LSM11: variants seen among roughly 807,000 people sequenced by gnomAD.
LSM11 encodes U7 snRNA-associated Sm-like protein LSm11.
LSM11 carries 14 observed loss-of-function variants against 28.1 expected under a neutral mutation model. The observed-to-expected ratio is 0.50, with a 90% CI of 0.33 to 0.78. The LOEUF is 0.78. Ranked by LOEUF, LSM11 falls within the 30% of genes least tolerant of loss-of-function variation. LSM11 has a pLI of 0.02. For synonymous variants in LSM11, 207 were observed against 214.2 expected (o/e 0.97, Z 0.30); for missense variants, 495 against 510.6 (o/e 0.97, Z 0.30).
intron 1 of LSM11, chr5:157,747,775 T>C (rs927849387): frequency 6.6e-6 from 1 of 152,338 alleles, no homozygotes; most frequent in African/African-American, 2.4e-5. Flanking sequence ...AGCAGTAAAA[T>C]GAACTCTCAA....
intron 1 of LSM11, among the ~76,000 whole-genome samples, chr5:157,749,171 C>T (rs955421110): frequency 6.6e-6 from 1 of 152,184 alleles, no homozygotes. Flanking sequence ...AATTTGCCAT[C>T]TATTTAATTA....
Position 157,755,201 on chromosome 5 carries a change from T to G in LSM11, c.1020T>G (p.Thr340=), listed in dbSNP as rs776141711. Residue 340 remains threonine, a synonymous_variant, in exon 4 of 4, where the codon ACT becomes ACG. Coordinates refer to ENST00000286307, the MANE Select transcript of LSM11 (RefSeq NM_173491.4). The stretch of plus-strand genomic sequence containing the variant: ...AAGTGGATTACCAGCAGGTATTCAC[T>G]CGACACATAAATCAGATTTTCATTC... ...KPKVDYQQVF[T]RHINQIFIRG... is the part of the protein sequence containing the mutation. 5 of 1,614,244 alleles carry G rather than the reference T, an allele frequency of 3.1e-6. No homozygotes were observed. In the South Asian group the frequency reaches 4.4e-5, roughly 14 times the overall value.
chr5:157,746,088 A>G (rs1024205741), intron 1 of LSM11, among the ~76,000 whole-genome samples: 3 of 151,816 alleles, frequency 2.0e-5, no homozygotes, highest in Non-Finnish European at 2.9e-5. Flanking sequence ...GGAAGGGGGG[A>G]AAAAAAAGAA....
chr5:157,743,916 G>A lies in LSM11; in HGVS notation c.166G>A (p.Val56Met). The change falls in exon 1 of 4, where the codon GTG becomes ATG. Residue 56 changes from valine (V) to methionine (M), a missense_variant. Val to Met is a conservative substitution (Grantham distance 21). Transcript: ENST00000286307. ...PYPNAPCFNN[V>M]AEYESFLRTG... ...CCCCAATGCCCCCTGCTTCAACAAC[G>A]TGGCGGAGTACGAGAGCTTCCTCAG... The A allele has an allele frequency of 1.3e-6, 2 of 1,509,376 alleles. No homozygotes were observed. Among genetic ancestry groups the A allele is most frequent in the Non-Finnish European group, 8.9e-7 (1 of 1,127,790 alleles). The allele number at this position is 1,509,376 out of a possible 1,614,324, so 93.5% of individuals were successfully genotyped here.
At chr5:157,746,825 G>A (rs1306260029) in intron 1 of LSM11, among the ~76,000 whole-genome samples, 4 of 151,962 alleles carry the variant, frequency 2.6e-5, no homozygotes, top group Admixed American at 1.3e-4. Context: ...CACGAGAATC[G>A]CTTGAACCCT....
Position 157,755,134 on chromosome 5 carries a change from C to A in LSM11, c.953C>A (p.Thr318Asn), listed in dbSNP as rs1409601391. 1 of 1,614,230 alleles carries A rather than the reference C, an allele frequency of 6.2e-7. No homozygotes were observed. Among genetic ancestry groups the A allele is most frequent in the South Asian group, 1.1e-5 (1 of 91,082 alleles). The change falls in exon 4 of 4, where the codon ACC becomes AAC. Residue 318 changes from threonine to asparagine, a missense_variant. Physicochemically the swap from Thr to Asn is moderately conservative, Grantham distance 65. Coordinates refer to ENST00000286307, the MANE Select transcript of LSM11 (RefSeq NM_173491.4). ...GGAGGTACCTTTTCCAGGGCTACCA[C>A]CCTTTCCAGAGGCCAGTCCCGTAAG... ...SVGGTFSRAT[T>N]LSRGQSRKKK...
intron 2 of LSM11, among the ~76,000 whole-genome samples, chr5:157,752,571 C>A (rs2015909): frequency 6.6e-6 from 1 of 151,106 alleles, no homozygotes; most frequent in South Asian, 2.1e-4. Context: ...CTAGGCTGCA[C>A]GCGGTGGTTC....
Position 157,751,431 on chromosome 5 carries a change from C to A in LSM11, c.490C>A (p.Arg164Ser). The A allele has an allele frequency of 6.2e-7, 1 of 1,611,344 alleles. No homozygotes were observed. The stretch of plus-strand genomic sequence containing the variant: ...TCTGGGTGAACTCCATCGCTGTATC[C>A]GTGAGGGGGTGAAGGTGAATGTTCA... ...SPLGELHRCI[R>S]EGVKVNVHIR... The change falls in exon 2 of 4, where the codon CGT (arginine) becomes AGT (serine). Residue 164 changes from arginine to serine, a missense_variant. Coordinates refer to ENST00000286307, the MANE Select transcript of LSM11 (RefSeq NM_173491.4).
intron 1 of LSM11, among the ~76,000 whole-genome samples, chr5:157,747,325 TATC>T (rs1486616649): frequency 1.3e-5 from 2 of 152,234 alleles, no homozygotes; most frequent in African/African-American, 4.8e-5. Flanking sequence ...GAAAAAGTGT[TATC>T]ATTACTTTGT....
Position 157,759,341 on chromosome 5 carries a change from A to G in LSM11, c.*4077A>G, listed in dbSNP as rs1256840918. 6.6e-6 allele frequency: 1 copy of G among 152,240 alleles called. No homozygotes were observed. Among genetic ancestry groups the G allele is most frequent in the Non-Finnish European group, 1.5e-5 (1 of 68,038 alleles). 9.4% of individuals were successfully genotyped at this position (152,240 alleles called of 1,614,324 possible). ...TTCTACCCTTTGAGAAAAAAGAAAT[A>G]GAAACTTACTTGATGCAGAATGGAT... On this transcript the variant is annotated 3_prime_UTR_variant, in exon 4 of 4. Transcript: ENST00000286307.
At chr5:157,744,458 G>T (rs1761115717) in intron 1 of LSM11, among the ~76,000 whole-genome samples, 2 of 152,164 alleles carry the variant, frequency 1.3e-5, no homozygotes, top group Admixed American at 1.3e-4. Context: ...GGCTGTAGTG[G>T]TCATAAGAAG....
chr5:157,754,345 C>G (rs573799855), intron 3 of LSM11, among the ~76,000 whole-genome samples: 67 of 152,070 alleles, frequency 4.4e-4, no homozygotes, highest in Non-Finnish European at 8.2e-4. Flanking sequence ...AGCTTTATAC[C>G]ACAGAAATAA....
chr5:157,744,228 G>A (rs1230132635), intron 1 of LSM11, 30 bp downstream of exon 1: 2 of 1,247,766 alleles, frequency 1.6e-6, no homozygotes, highest in East Asian at 3.2e-5. Flanking sequence ...GGGAAGCGGG[G>A]CAGCCGCCGT....
rs770812064 is a variant in LSM11, at chr5:157,754,863, C to A, written c.682C>A (p.Arg228=). Residue 228 remains arginine, a synonymous_variant, in exon 4 of 4, where the codon CGG becomes AGG. Coordinates refer to ENST00000286307, the MANE Select transcript of LSM11 (RefSeq NM_173491.4). ...ATTGTTTGCTTTATAGCTATTTGAT[C>A]GGCTGAAACTTCAAGATTCCTCCAA... ...SSLTLTRLFD[R]LKLQDSSKKE... 1.9e-6 allele frequency: 3 copies of A among 1,612,304 alleles called. No homozygotes were observed. The highest frequency in any genetic ancestry group is 2.5e-6 in the Non-Finnish European group (3 of 1,179,044).
intron 1 of LSM11, among the ~76,000 whole-genome samples, chr5:157,749,192 CTG>C (rs1257437845): frequency 6.6e-6 from 1 of 152,168 alleles, no homozygotes; most frequent in Non-Finnish European, 1.5e-5. Context: ...GAGTAAGAGA[CTG>C]TTGCTAAGAT....
chr5:157,754,955 T>C lies in LSM11; in HGVS notation c.774T>C (p.Thr258=). 1 of 1,614,224 alleles carries C rather than the reference T, an allele frequency of 6.2e-7. No homozygotes were observed. The highest frequency in any genetic ancestry group is 1.1e-5 in the South Asian group (1 of 91,084). ...TGTCTAGATACTCACAGACATCCAC[T>C]TGGAAGTTGGCTTCAGTGTGGGGAA... is the stretch of plus-strand genomic sequence containing the variant. ...STLSRYSQTS[T]WKLASVWGRA... The change falls in exon 4 of 4, where the codon ACT becomes ACC. Residue 258 remains threonine, a synonymous_variant. Transcript: ENST00000286307.
chr5:157,750,669 G>T (rs1023809840), intron 1 of LSM11, among the ~76,000 whole-genome samples: 4 of 152,206 alleles, frequency 2.6e-5, no homozygotes, highest in East Asian at 3.8e-4. Flanking sequence ...TGTAAACAAG[G>T]TTTTTGTTTT....
chr5:157,746,142 AT>A (rs1488854225), intron 1 of LSM11, among the ~76,000 whole-genome samples: 1 of 152,012 alleles, frequency 6.6e-6, no homozygotes, highest in Non-Finnish European at 1.5e-5. Context: ...ATTTAAAAAA[AT>A]ATATGCCTAC....
rs1761392523 is a variant in LSM11 at position 157,760,611 on chromosome 5, G to A, written c.*5347G>A. 1.3e-5 allele frequency: 2 copies of A among 152,174 alleles called. No individual in the cohort carries two copies. Among genetic ancestry groups the A allele is most frequent in the African/African-American group, 4.8e-5 (2 of 41,432 alleles). The allele number at this position is 152,174 out of a possible 1,614,324, so 9.4% of individuals were successfully genotyped here. A position where few individuals can be genotyped will look rare whatever the true frequency, so the allele number is the denominator to read the frequency against. ...AATTAACTGAAACCCTTCCTGTCTA[G>A]GGAGAATTGCTGCTAGTAAGGTCAG... On this transcript the variant is annotated 3_prime_UTR_variant, in exon 4 of 4. Transcript: ENST00000286307.
Sources: gnomAD v4.1 joint callset for allele counts (sites outside exome capture counted in the v4.1 genomes callset) on GRCh38, gnomAD v4.1.1 for gene constraint, MANE v1.5 for transcripts, NCBI Gene and HGNC (gene_info 2026-07-23, HGNC 2026-07-21) for gene names.